Variants in HDAC9 observed in about 807,000 individuals in gnomAD.
The protein encoded by HDAC9 is histone deacetylase 9, also known as MEF-2 interacting transcription repressor (MITR) protein.
A neutral mutation model predicts 139.4 loss-of-function variants in HDAC9; 41 were observed. That is an observed-to-expected ratio of 0.29 (90% CI 0.23 to 0.38). The LOEUF (loss-of-function observed/expected upper bound fraction) is 0.38. HDAC9 is among the 10% of genes least tolerant of loss of function. The pLI is 1.00. For synonymous variants in HDAC9, 517 were observed against 476.2 expected, an observed-to-expected ratio of 1.09 and a Z score of -1.12; for missense variants, 1,147 against 1,297.0, an observed-to-expected ratio of 0.88 and a Z score of 1.78.
At chr7:18,343,467 G>T (rs182194777) in intron 1 of HDAC9, among the ~76,000 whole-genome samples, 11 of 151,828 alleles carry the variant, frequency 7.2e-5, no homozygotes, top group African/African-American at 2.7e-4. Context: ...ATAGAATTCA[G>T]ATTATCTACA....
At chr7:18,265,935 G>A (rs1271760134) in intron 2 of HDAC9, among the ~76,000 whole-genome samples, 16 of 152,060 alleles carry the variant, frequency 1.1e-4, no homozygotes, top group African/African-American at 2.4e-5. Flanking sequence ...ATACCACACC[G>A]AAACTTCAAA....
In HDAC9 at chr7:18,414,391, CT is replaced by C. The variant is rs538817266; in HGVS notation, c.-41-81859del. Among the ~76,000 whole-genome samples, 383 of 141,194 alleles carry C rather than the reference CT, an allele frequency of 2.7e-3. 1 individual carries two copies. The highest frequency in any genetic ancestry group is 3.8e-3 in the African/African-American group (146 of 38,772). 92.6% of individuals were successfully genotyped at this position (141,194 alleles called of 152,430 possible). A position where few individuals can be genotyped will look rare whatever the true frequency, so the allele number is the denominator to read the frequency against. On this transcript the variant is annotated intron_variant, in intron 1 of 3. Coordinates refer to the HDAC9 transcript ENST00000413509. Reference sequence around the variant, plus strand: ...CATGTCTGCTCCTTACTCATCCTTCCTTTTTTTTTTTTGCATTGGCTGGCAG... The same window carrying C: ...CATGTCTGCTCCTTACTCATCCTTCCTTTTTTTTTTTGCATTGGCTGGCAG...
intron 15 of HDAC9, among the ~76,000 whole-genome samples, chr7:18,762,905 A>G (rs1335004824): frequency 6.6e-6 from 1 of 152,166 alleles, no homozygotes; most frequent in East Asian, 1.9e-4. Flanking sequence ...GCAGAACTTT[A>G]TATAAGCTTT....
chr7:18,659,695 CTCT>C (rs1329152245), intron 11 of HDAC9, among the ~76,000 whole-genome samples: 3 of 152,128 alleles, frequency 2.0e-5, no homozygotes, highest in African/African-American at 7.2e-5. Flanking sequence ...TGCAGCTGCC[CTCT>C]TCTTCATCTC....
At chr7:18,874,732 T>C in intron 22 of HDAC9, 136 bp downstream of exon 22, 3 of 612,818 alleles carry the variant, frequency 4.9e-6, no homozygotes, top group Non-Finnish European at 8.8e-6. Context: ...GTGGTGTTTA[T>C]TGCTCTGTCG....
chr7:18,133,884 C>A (rs1266219337), intron 1 of HDAC9, among the ~76,000 whole-genome samples: 1 of 151,088 alleles, frequency 6.6e-6, no homozygotes, highest in Non-Finnish European at 1.5e-5. Context: ...TGCAGTTATT[C>A]TTTAAAAATA....
intron 2 of HDAC9, among the ~76,000 whole-genome samples, chr7:18,567,254 G>C (rs1035705742): frequency 3.9e-5 from 6 of 152,042 alleles, no homozygotes; most frequent in African/African-American, 1.2e-4. Flanking sequence ...CTAAGGAATC[G>C]CATGGGGTTC....
intron 9 of HDAC9, 119 bp downstream of exon 9, chr7:18,644,912 T>G: frequency 3.2e-6 from 3 of 947,448 alleles, no homozygotes; most frequent in Non-Finnish European, 4.5e-6. Flanking sequence ...CAGCATCTCC[T>G]TCACTGTTTG....
At chr7:18,792,963 T>A (rs558477015) in intron 16 of HDAC9, among the ~76,000 whole-genome samples, 1 of 152,284 alleles carries the variant, frequency 6.6e-6, no homozygotes, top group African/African-American at 2.4e-5. Context: ...TAAGTGCTCT[T>A]AGTTTTTACT....
At chr7:18,773,455 A>G (rs939271357) in intron 16 of HDAC9, among the ~76,000 whole-genome samples, 2 of 151,940 alleles carry the variant, frequency 1.3e-5, no homozygotes, top group African/African-American at 4.8e-5. Flanking sequence ...ACAGGGAGGA[A>G]GAAAACGATT....
At position 18,172,377 on chromosome 7, in the gene HDAC9, T is replaced by G. The variant is rs548267973; in HGVS notation, c.25+10028T>G. Among the ~76,000 whole-genome samples the G allele has an allele frequency of 1.2e-4, 19 of 152,270 alleles. No homozygotes were observed. The East Asian group carries it at 3.7e-3, about 29-fold the overall frequency. On this transcript the variant is annotated intron_variant, in intron 2 of 12. Coordinates refer to the HDAC9 transcript ENST00000417496. ...TAGTCTTGCTAGCAGTCTACCAATTTTGTTGATCTTTTCAAAAAACCAGCT... is the reference window on the plus strand; with the variant it reads ...TAGTCTTGCTAGCAGTCTACCAATTGTGTTGATCTTTTCAAAAAACCAGCT...
chr7:18,503,118 G>A (rs999702301), intron 2 of HDAC9, among the ~76,000 whole-genome samples: 2 of 152,104 alleles, frequency 1.3e-5, no homozygotes, highest in African/African-American at 4.8e-5. Context: ...AAAAGCTCAT[G>A]CAAATGACTT....
intron 2 of HDAC9, chr7:18,260,590 A>T (rs1795604479): frequency 1.3e-5 from 2 of 154,564 alleles, no homozygotes; most frequent in Middle Eastern, 5.2e-4. Flanking sequence ...AAGTGCCGGG[A>T]TTGCAGGCAT....
At chr7:18,643,275 C>A (rs1477694470) in intron 8 of HDAC9, among the ~76,000 whole-genome samples, 1 of 152,090 alleles carries the variant, frequency 6.6e-6, no homozygotes, top group African/African-American at 2.4e-5. Flanking sequence ...TAAAATCTTT[C>A]CCAACAATCT....
intron 4 of HDAC9, among the ~76,000 whole-genome samples, chr7:18,591,043 ATATT>A (rs1300807887): frequency 5.9e-5 from 9 of 152,170 alleles, no homozygotes; most frequent in Admixed American, 5.9e-4. Flanking sequence ...ATTGTCAGCA[ATATT>A]TATTTGTTTA....
intron 2 of HDAC9, among the ~76,000 whole-genome samples, chr7:18,227,700 C>A (rs1459609156): frequency 6.6e-6 from 1 of 152,106 alleles, no homozygotes; most frequent in Non-Finnish European, 1.5e-5. Flanking sequence ...AATAATGTAG[C>A]CTGCTGCCTG....
chr7:18,494,083 T>G (rs1291109064), upstream of HDAC9, among the ~76,000 whole-genome samples: 3 of 152,110 alleles, frequency 2.0e-5, no homozygotes, highest in East Asian at 5.8e-4. Context: ...ATTTGTAATA[T>G]CAGATGGAAT....
chr7:18,969,032 G>A (rs1273090413), intron 24 of HDAC9, among the ~76,000 whole-genome samples: 1 of 145,702 alleles, frequency 6.9e-6, no homozygotes, highest in Non-Finnish European at 1.5e-5. Context: ...TAGAATTTGT[G>A]AGGCAAAATA....
intron 14 of HDAC9, among the ~76,000 whole-genome samples, chr7:18,755,081 ACAGAGAGAAACT>A (rs1346356489): frequency 6.6e-6 from 1 of 152,156 alleles, no homozygotes; most frequent in African/African-American, 2.4e-5. Context: ...TAACCACAAA[ACAGAGAGAAACT>A]CAAACAGGGA....
Sources: gnomAD v4.1 joint callset for allele counts (sites outside exome capture counted in the v4.1 genomes callset) on GRCh38, gnomAD v4.1.1 for gene constraint, MANE v1.5 for transcripts, NCBI Gene and HGNC (gene_info 2026-07-23, HGNC 2026-07-21) for gene names.